Variants in MICU2 observed in about 807,000 individuals in gnomAD.
The protein encoded by MICU2 is calcium uptake protein 2, mitochondrial.
MICU2 carries 64 observed loss-of-function variants against 60.4 expected under a neutral mutation model. That is an observed-to-expected ratio of 1.06 (90% CI 0.87 to 1.31). MICU2 has a LOEUF of 1.31. MICU2 is among the 50% of genes most tolerant of loss of function. The pLI is 0.00. For missense variants in MICU2, 569 were observed against 531.0 expected (o/e 1.07, Z -0.70); for synonymous variants, 201 against 175.0 (o/e 1.15, Z -1.17).
At chr13:21,500,914 G>T (rs1040968909) in intron 9 of MICU2, among the ~76,000 whole-genome samples, 4 of 152,058 alleles carry the variant, frequency 2.6e-5, no homozygotes, top group Non-Finnish European at 5.9e-5. Flanking sequence ...GTTTTGCTTA[G>T]AAAGGTATAT....
At chr13:21,507,519 T>C (rs1324035569) in intron 8 of MICU2, among the ~76,000 whole-genome samples, 1 of 152,014 alleles carries the variant, frequency 6.6e-6, no homozygotes, top group Non-Finnish European at 1.5e-5. Flanking sequence ...GTTGAAAAAA[T>C]TGTTCTAGAG....
rs761120350 is a variant in MICU2 at position 21,522,602 on chromosome 13, C to T, written c.514+1G>A. On this transcript the variant is annotated splice_donor_variant, in intron 5 of 11. Transcript: ENST00000382374. LOFTEE classifies it high-confidence loss of function. The stretch of plus-strand genomic sequence containing the variant: ...TCTGAGAAAAACTGTGGGATACTTA[C>T]TAGTGAGGATTGTAAGCAAGAAAAG... 3.8e-6 allele frequency: 6 copies of T among 1,598,224 alleles called. No individual in the cohort carries two copies. The highest frequency in any genetic ancestry group is 1.3e-5 in the African/African-American group (1 of 74,118).
At chr13:21,566,763 T>G (rs956451654) in intron 2 of MICU2, 34 bp downstream of exon 2, 4 of 1,504,462 alleles carry the variant, frequency 2.7e-6, no homozygotes, top group East Asian at 2.4e-5. Context: ...GAAGTCTGAT[T>G]TTTTTAATTA....
At chr13:21,530,764 C>T in intron 4 of MICU2, 2 of 603,892 alleles carry the variant, frequency 3.3e-6, no homozygotes, top group Non-Finnish European at 5.9e-6. Context: ...CCCAGCCATA[C>T]CCACCACCGC....
At chr13:21,602,317 T>C (rs1031348998) in intron 1 of MICU2, among the ~76,000 whole-genome samples, 2 of 151,752 alleles carry the variant, frequency 1.3e-5, no homozygotes, top group African/African-American at 4.8e-5. Flanking sequence ...GGTCAGGAGA[T>C]CGAGACCATC....
intron 6 of MICU2, among the ~76,000 whole-genome samples, chr13:21,517,799 A>ACACACACGCGCG (rs1244489287): frequency 1.5e-5 from 2 of 136,332 alleles, no homozygotes; most frequent in African/African-American, 6.2e-5. Flanking sequence ...ACACACACAC[A>ACACACACGCGCG]CGCGCGCGCG....
intron 2 of MICU2, among the ~76,000 whole-genome samples, chr13:21,561,724 A>C: frequency 8.5e-6 from 1 of 117,492 alleles, no homozygotes; most frequent in East Asian, 2.3e-4. Flanking sequence ...TTTTTTTATT[A>C]TTATTATACT....
At chr13:21,580,914 A>G (rs1195440771) in intron 1 of MICU2, among the ~76,000 whole-genome samples, 1 of 152,174 alleles carries the variant, frequency 6.6e-6, no homozygotes, top group East Asian at 1.9e-4. Flanking sequence ...AAAGGTGTAA[A>G]CAGGATAAGC....
intron 2 of MICU2, among the ~76,000 whole-genome samples, chr13:21,549,700 C>A (rs1364103570): frequency 1.3e-5 from 2 of 152,148 alleles, no homozygotes; most frequent in Non-Finnish European, 2.9e-5. Flanking sequence ...CAGCATAGGG[C>A]AAAATTCCTG....
chr13:21,534,263 C>T (rs7987223), intron 4 of MICU2, among the ~76,000 whole-genome samples: 2 of 151,014 alleles, frequency 1.3e-5, no homozygotes, highest in African/African-American at 4.9e-5. Flanking sequence ...TGGAGTATAG[C>T]GGTACAATCG....
chr13:21,506,305 C>T (rs1008434015), intron 8 of MICU2, among the ~76,000 whole-genome samples: 9 of 152,282 alleles, frequency 5.9e-5, no homozygotes, highest in Middle Eastern at 3.4e-3. Flanking sequence ...TGTGAGCCGC[C>T]GCGCCCAGCT....
intron 2 of MICU2, among the ~76,000 whole-genome samples, chr13:21,566,078 G>A (rs1017177041): frequency 2.0e-5 from 3 of 152,034 alleles, no homozygotes; most frequent in African/African-American, 4.8e-5. Flanking sequence ...CACTCATTTC[G>A]TTTTTGTTCA....
chr13:21,574,337 T>C (rs866974798), intron 1 of MICU2, among the ~76,000 whole-genome samples: 1 of 152,170 alleles, frequency 6.6e-6, no homozygotes, highest in African/African-American at 2.4e-5. Flanking sequence ...ACTGAACACA[T>C]GAGAACCATC....
In MICU2 at chr13:21,603,967, C is replaced by T; in HGVS notation, c.182G>A (p.Arg61Gln). The T allele has an allele frequency of 6.2e-7, 1 of 1,612,510 alleles. No individual in the cohort carries two copies. Among genetic ancestry groups the T allele is most frequent in the East Asian group, 2.2e-5 (1 of 44,828 alleles). The change falls in exon 1 of 12, where the codon CGG becomes CAG. Residue 61 changes from arginine to glutamine, a missense_variant. Coordinates refer to ENST00000382374, the MANE Select transcript of MICU2 (RefSeq NM_152726.3). ...WHHSRVSVAA[R>Q]DGSFTVSAQK... ...TGCGGAGACTGTAAAACTGCCATCC[C>T]GCGCCGCAACACTGACGCGGCTGTG...
chr13:21,600,020 C>T (rs1401228692), intron 1 of MICU2, among the ~76,000 whole-genome samples: 1 of 152,086 alleles, frequency 6.6e-6, no homozygotes, highest in African/African-American at 2.4e-5. Context: ...AACAATGAAA[C>T]AAAATTTTTG....
chr13:21,525,948 A>ATTTAT (rs1288324646), intron 4 of MICU2, among the ~76,000 whole-genome samples: 7 of 120,616 alleles, frequency 5.8e-5, no homozygotes, highest in African/African-American at 1.9e-4. Flanking sequence ...TTATTTATTT[A>ATTTAT]TTTTTTAACA....
intron 2 of MICU2, among the ~76,000 whole-genome samples, chr13:21,560,623 A>AACACACAC (rs67873561): frequency 2.2e-5 from 3 of 134,886 alleles, no homozygotes; most frequent in African/African-American, 7.5e-5. Context: ...CTTGTCAAAA[A>AACACACAC]ACACACACAC....
At chr13:21,522,319 G>GT (rs1886738318) in intron 5 of MICU2, among the ~76,000 whole-genome samples, 1 of 152,056 alleles carries the variant, frequency 6.6e-6, no homozygotes, top group African/African-American at 2.4e-5. Flanking sequence ...CAGGAATTTT[G>GT]TATAATGTCA....
chr13:21,560,801 T>G (rs900706322), intron 2 of MICU2, among the ~76,000 whole-genome samples: 13 of 152,198 alleles, frequency 8.5e-5, no homozygotes, highest in African/African-American at 2.9e-4. Flanking sequence ...ATTTTCAATT[T>G]GAGTGCCTGT....
Sources: gnomAD v4.1 joint callset for allele counts (sites outside exome capture counted in the v4.1 genomes callset) on GRCh38, gnomAD v4.1.1 for gene constraint, MANE v1.5 for transcripts, NCBI Gene and HGNC (gene_info 2026-07-23, HGNC 2026-07-21) for gene names.